GCN1: variants seen among roughly 807,000 people sequenced by gnomAD.
The protein encoded by GCN1 is stalled ribosome sensor GCN1.
In GCN1, 90 loss-of-function variants were observed where a neutral mutation model predicts 288.4. That is an observed-to-expected ratio of 0.31 (90% CI 0.26 to 0.37). GCN1 has a LOEUF of 0.37. GCN1 is among the 10% of genes least tolerant of loss of function. The pLI is 1.00. For missense variants in GCN1, 2,586 were observed against 3,419.9 expected (o/e 0.76, Z 6.08); for synonymous variants, 1,386 against 1,420.2 (o/e 0.98, Z 0.54).
rs764734201 is a variant in GCN1, at chr12:120,164,673, G to A, written c.1661C>T (p.Pro554Leu). 1.8e-5 allele frequency: 29 copies of A among 1,613,540 alleles called. No homozygotes were observed. The highest frequency in any genetic ancestry group is 2.0e-5 in the Non-Finnish European group (24 of 1,179,586). The stretch of plus-strand genomic sequence containing the variant: ...AACTTTGTTGCCAGTGAGTCTATGC[G>A]GGTGGTCAAGGAAAAGTCTCTCTGT... ...HLTERLFLDH[P>L]HRLTGNKVQQ... The change falls in exon 17 of 58, where the codon CCG (proline) becomes CTG (leucine). Residue 554 changes from proline (P) to leucine (L), a missense_variant. This residue lies in a region of GCN1 where 913 missense variants were observed against 1,107.0 expected (regional missense o/e 0.82). Coordinates refer to ENST00000300648, the MANE Select transcript of GCN1 (RefSeq NM_006836.2).
chr12:120,131,209 G>C lies in GCN1; in HGVS notation c.7539C>G (p.Ile2513Met), dbSNP rs1223680179. The C allele has an allele frequency of 1.2e-6, 2 of 1,614,066 alleles. No homozygotes were observed. The highest frequency in any genetic ancestry group is 1.7e-6 in the Non-Finnish European group (2 of 1,180,026). ...GRYSSDVQEM[I>M]LSSATADRIP... ...CCCTGTCCGCCGTGGCACTGCTCAG[G>C]ATCATTTCCTGAACATCACTGCTAT... is the stretch of plus-strand genomic sequence containing the variant. Residue 2513 changes from isoleucine to methionine, a missense_variant, in exon 55 of 58, where the codon ATC (isoleucine) becomes ATG (methionine). Coordinates refer to ENST00000300648, the MANE Select transcript of GCN1 (RefSeq NM_006836.2).
rs1468914560 is a variant in GCN1 at position 120,134,860 on chromosome 12, T to C, written c.7009-134A>G. 5.5e-6 allele frequency: 4 copies of C among 731,790 alleles called. No homozygotes were observed. The highest frequency in any genetic ancestry group is 2.7e-5 in the East Asian group (1 of 37,310). The allele number at this position is 731,790 out of a possible 1,614,324, so 45.3% of individuals were successfully genotyped here. Reference sequence around the variant, plus strand: ...GCTCTCATACAGGGCTGGGGACAGATAGCCCGTCAGAGAGGCCAAACACAG... The same window carrying C: ...GCTCTCATACAGGGCTGGGGACAGACAGCCCGTCAGAGAGGCCAAACACAG... On this transcript the variant is annotated intron_variant, in intron 51 of 57. Coordinates refer to ENST00000300648, the MANE Select transcript of GCN1 (RefSeq NM_006836.2). This position sits in a 1 kb window ranked among gnomAD's most constrained non-coding sequence, Gnocchi z 5.0.
intron 16 of GCN1, among the ~76,000 whole-genome samples, chr12:120,166,597 A>C (rs1341434696): frequency 1.3e-5 from 2 of 149,458 alleles, no homozygotes; most frequent in African/African-American, 5.0e-5. Flanking sequence ...CCAGCTACTC[A>C]GGAGGCTGAG....
In GCN1 at chr12:120,144,755, C is replaced by G; in HGVS notation, c.5236G>C (p.Val1746Leu). The G allele has an allele frequency of 6.2e-7, 1 of 1,614,008 alleles. No homozygotes were observed. Among genetic ancestry groups the G allele is most frequent in the Non-Finnish European group, 8.5e-7 (1 of 1,179,848 alleles). Residue 1746 changes from valine (V) to leucine (L), a missense_variant, in exon 41 of 58, where the codon GTG becomes CTG. Val to Leu is a conservative substitution (Grantham distance 32, BLOSUM62 1). This residue lies in a region of GCN1 where 371 missense variants were observed against 572.6 expected (regional missense o/e 0.65). Coordinates refer to ENST00000300648, the MANE Select transcript of GCN1 (RefSeq NM_006836.2). This position sits in a 1 kb window ranked among gnomAD's most constrained non-coding sequence, Gnocchi z 4.7. ...MPEIVATASKVDIAPHVRDGY... is the reference protein window; with the variant it reads ...MPEIVATASKLDIAPHVRDGY... ...TCTCGGACATGGGGTGCAATGTCCA[C>G]TTTGCTGGCTGTAGCCACGATTTCT...
At chr12:120,147,371 C>A (rs1877395865) in intron 37 of GCN1, 99 bp from the exon 38 acceptor site, 1 of 533,838 alleles carries the variant, frequency 1.9e-6, no homozygotes. Context: ...AGAAGGGAGT[C>A]TGGCACACCT....
chr12:120,192,861 A>T (rs1239253103), intron 1 of GCN1, among the ~76,000 whole-genome samples: 2 of 151,644 alleles, frequency 1.3e-5, no homozygotes, highest in Middle Eastern at 6.3e-3. Flanking sequence ...CCTACCCAAC[A>T]TGGTGAAACC....
At chr12:120,131,363 C>T (rs997644751) in intron 54 of GCN1, 30 bp from the exon 55 acceptor site, 6 of 1,609,586 alleles carry the variant, frequency 3.7e-6, no homozygotes, top group South Asian at 2.2e-5. Flanking sequence ...TGGGATCAAC[C>T]GGTATTTTAC....
chr12:120,157,240 C>T (rs1198798689), intron 26 of GCN1: 5 of 444,344 alleles, frequency 1.1e-5, no homozygotes, highest in Middle Eastern at 6.2e-4. Flanking sequence ...CCAGAAAGAC[C>T]GTAAATATAT....
At position 120,149,649 on chromosome 12, in the gene GCN1, G is replaced by A. The variant is rs1877475948; in HGVS notation, c.4503C>T (p.Ser1501=). The A allele has an allele frequency of 1.2e-6, 2 of 1,613,926 alleles. No homozygotes were observed. The highest frequency in any genetic ancestry group is 1.6e-4 in the Middle Eastern group (1 of 6,082). Residue 1501 remains serine, a synonymous_variant, in exon 36 of 58, where the codon TCC becomes TCT. Coordinates refer to ENST00000300648, the MANE Select transcript of GCN1 (RefSeq NM_006836.2). The stretch of plus-strand genomic sequence containing the variant: ...ATTCCTCCTCCAGGGCAGCCAGTAA[G>A]GAGGGGAGCACCAGCTTCACCCCGT... The part of the protein sequence containing the change: ...SAHGVKLVLP[S]LLAALEEESW...
chr12:120,153,615 T>C lies in GCN1; in HGVS notation c.3867+129A>G, dbSNP rs1877641337. The C allele has an allele frequency of 1.0e-6, 1 of 966,464 alleles. No homozygotes were observed. 59.9% of individuals were successfully genotyped at this position (966,464 alleles called of 1,614,324 possible). A position where few individuals can be genotyped will look rare whatever the true frequency, so the allele number is the denominator to read the frequency against. The stretch of plus-strand genomic sequence containing the variant: ...TCATGGTCTTTTTGGCTCAAAGTGC[T>C]CTGCCAGGACTCTTGGCACTCAGCA... On this transcript the variant is annotated intron_variant, in intron 32 of 57. Transcript: ENST00000300648. This position sits in a 1 kb window ranked among gnomAD's most constrained non-coding sequence, Gnocchi z 4.4.
chr12:120,165,598 G>A (rs1016786119), intron 16 of GCN1, among the ~76,000 whole-genome samples: 1 of 151,964 alleles, frequency 6.6e-6, no homozygotes, highest in Non-Finnish European at 1.5e-5. Context: ...CTCCTGAGTA[G>A]CTGGGATTAC....
At chr12:120,160,599 C>G (rs1866682262) in intron 22 of GCN1, among the ~76,000 whole-genome samples, 1 of 152,246 alleles carries the variant, frequency 6.6e-6, no homozygotes, top group African/African-American at 2.4e-5. Flanking sequence ...GCCTCCTCCT[C>G]TCCAACCCCT....
intron 47 of GCN1, 105 bp downstream of exon 47, chr12:120,138,218 T>C: frequency 1.1e-6 from 1 of 942,512 alleles, no homozygotes; most frequent in South Asian, 1.3e-5. Context: ...TGCACCCTCC[T>C]CCCCCAGCCC....
intron 2 of GCN1, among the ~76,000 whole-genome samples, chr12:120,188,826 G>A (rs1878911088): frequency 6.7e-6 from 1 of 148,820 alleles, no homozygotes; most frequent in Admixed American, 6.7e-5. Flanking sequence ...TCCAGCCTGG[G>A]CAACACAGTG....
rs1441631078 is a variant in GCN1, at chr12:120,151,361, G to T, written c.4093C>A (p.Pro1365Thr). The change falls in exon 34 of 58, where the codon CCC becomes ACC. Residue 1365 changes from proline to threonine, a missense_variant. By Grantham distance (38) the Pro-to-Thr change is conservative. Coordinates refer to ENST00000300648, the MANE Select transcript of GCN1 (RefSeq NM_006836.2). ...VQESVASCLP[P>T]LVPAIKEDAG... ...TCCTCCTTGATGGCTGGCACAAGGG[G>T]TGGCAAGCAGCTGGCTACGGACTCC... 6.2e-7 allele frequency: 1 copy of T among 1,613,762 alleles called. No individual in the cohort carries two copies. The highest frequency in any genetic ancestry group is 1.7e-5 in the Admixed American group (1 of 60,028).
intron 2 of GCN1, 24 bp downstream of exon 2, chr12:120,190,274 G>A: frequency 2.7e-6 from 3 of 1,098,774 alleles, no homozygotes; most frequent in Non-Finnish European, 4.2e-6. Context: ...TATTGTCCAG[G>A]GTATGTGGAT....
chr12:120,128,986 G>A (rs998685063), intron 57 of GCN1, among the ~76,000 whole-genome samples: 4 of 151,548 alleles, frequency 2.6e-5, no homozygotes, highest in African/African-American at 4.9e-5. Context: ...GGACAAAGCC[G>A]CCCACCACGC....
intron 5 of GCN1, among the ~76,000 whole-genome samples, chr12:120,181,839 CAAA>C (rs1253486479): frequency 8.3e-5 from 5 of 59,948 alleles, no homozygotes; most frequent in African/African-American, 1.8e-4. Context: ...AACTCCGTCT[CAAA>C]AAAAAAAAAA....
chr12:120,156,907 A>G lies in GCN1; in HGVS notation c.3168+5T>C. The G allele has an allele frequency of 6.3e-7, 1 of 1,597,392 alleles. No homozygotes were observed. Among genetic ancestry groups the G allele is most frequent in the Non-Finnish European group, 8.6e-7 (1 of 1,164,898 alleles). The stretch of plus-strand genomic sequence containing the variant: ...ACAGCAACAGCCAACTGAAAACCAC[A>G]TCACCTGTAAGCGAGGCGAGCCCGT... On this transcript the variant is annotated splice_donor_5th_base_variant and intron_variant, in intron 27 of 57. Coordinates refer to ENST00000300648, the MANE Select transcript of GCN1 (RefSeq NM_006836.2). This position sits in a 1 kb window ranked among gnomAD's most constrained non-coding sequence, Gnocchi z 5.8.
Sources: allele counts gnomAD v4.1 joint callset (sites outside exome capture counted in the v4.1 genomes callset), GRCh38; gene constraint gnomAD v4.1.1; regional missense constraint gnomAD v4.1.1; non-coding constraint Gnocchi (gnomAD v3.1); transcripts MANE v1.5; gene names NCBI Gene and HGNC (gene_info 2026-07-23, HGNC 2026-07-21).